The following PTGS1 variants were observed in gnomAD, a reference collection of about 807,000 sequenced individuals.
PTGS1 encodes the protein prostaglandin G/H synthase 1.
Under a neutral mutation model 63.0 loss-of-function variants are expected in PTGS1, and 40 were observed. The observed-to-expected ratio is 0.63, with a 90% CI of 0.49 to 0.83. PTGS1 has a LOEUF of 0.83. Among genes scored for constraint, PTGS1 ranks in the 40% least tolerant of loss-of-function variants. The probability of loss-of-function intolerance (pLI) is 0.00; values close to 1 mark genes in which losing one functional copy is unlikely to be tolerated. For synonymous variants in PTGS1, 298 were observed against 301.9 expected, an observed-to-expected ratio of 0.99 and a Z score of 0.13; for missense variants, 709 against 786.5, an observed-to-expected ratio of 0.90 and a Z score of 1.18.
chr9:122,378,338 A>C (rs1837303046), intron 3 of PTGS1, 95 bp from the exon 4 acceptor site: 1 of 1,551,018 alleles, frequency 6.4e-7, no homozygotes, highest in Admixed American at 1.7e-5. Context: ...ACTCTGTTCC[A>C]CCCTGGCCCT....
intron 2 of PTGS1, chr9:122,371,546 C>T (rs2119104688): frequency 1.4e-6 from 2 of 1,398,702 alleles, no homozygotes; most frequent in South Asian, 3.1e-5. Flanking sequence ...ATCCATCCCC[C>T]TCACCTGTTC....
Position 122,383,557 on chromosome 9 carries a change from T to C in PTGS1, c.811T>C (p.Leu271=), listed in dbSNP as rs779689927. Residue 271 remains leucine, a synonymous_variant, in exon 8 of 11, where the codon TTG becomes CTG. Transcript: ENST00000362012. ...YPPSVEEAPV[L]MHYPRGIPPQ... is the part of the protein sequence containing the mutation. ...GCCCTCGGTAGAAGAGGCGCCTGTG[T>C]TGATGCACTACCCCCGAGGCATCCC... is the stretch of plus-strand genomic sequence containing the variant. 4.3e-6 allele frequency: 7 copies of C among 1,614,062 alleles called. No individual in the cohort carries two copies. The South Asian group carries it at 7.7e-5, about 18-fold the overall frequency.
At position 122,381,763 on chromosome 9, in the gene PTGS1, G is replaced by A. The variant is rs771716118; in HGVS notation, c.762+16G>A. The A allele has an allele frequency of 1.1e-5, 18 of 1,608,680 alleles. No individual in the cohort carries two copies. Among genetic ancestry groups the A allele is most frequent in the Admixed American group, 6.7e-5 (4 of 59,856 alleles). ...CAAGTACCAGGTAGTGCTGGGCCAG[G>A]GGGTAGGGCAGAGGGAGGGGTCTCC... On this transcript the variant is annotated intron_variant, in intron 7 of 10. Coordinates refer to ENST00000362012, the MANE Select transcript of PTGS1 (RefSeq NM_000962.4).
intron 2 of PTGS1, chr9:122,375,477 C>A: frequency 2.0e-6 from 2 of 985,466 alleles, no homozygotes; most frequent in Non-Finnish European, 2.4e-6. Context: ...TTTATTTATT[C>A]CACAAACATT....
intron 3 of PTGS1, among the ~76,000 whole-genome samples, chr9:122,378,220 G>A (rs1837292698): frequency 6.6e-6 from 1 of 152,152 alleles, no homozygotes; most frequent in South Asian, 2.1e-4. Context: ...TGAGTTCCAT[G>A]GTGAGTCTTC....
rs139670582 is a variant in PTGS1, at chr9:122,372,390, G to T, written c.94+1118G>T. Among the ~76,000 whole-genome samples the T allele has an allele frequency of 7.2e-5, 11 of 152,324 alleles. No individual in the cohort carries two copies. The East Asian group carries it at 2.1e-3, about 29-fold the overall frequency. On this transcript the variant is annotated intron_variant, in intron 2 of 10. Transcript: ENST00000362012. ...AGGGATTGCGTTGAATAAAAGTCTG[G>T]TTTATGGGAAGAGGAGGAGGAAGAC...
intron 6 of PTGS1, 34 bp downstream of exon 6, chr9:122,381,586 G>C (rs1355392077): frequency 6.2e-7 from 1 of 1,613,640 alleles, no homozygotes; most frequent in Non-Finnish European, 8.5e-7. Context: ...GACTGCTCTG[G>C]ACCTAATTTG....
At chr9:122,377,856 G>A (rs754238430) in intron 2 of PTGS1, 43 bp from the exon 3 acceptor site, 18 of 1,565,726 alleles carry the variant, frequency 1.1e-5, no homozygotes, top group East Asian at 2.2e-5. Context: ...GGGGTCAGGA[G>A]GCCACCCTAG....
Position 122,394,618 on chromosome 9 carries a change from T to G in PTGS1, c.*2074T>G, listed in dbSNP as rs891654155. Reference sequence around the variant, plus strand: ...AGAATCCTCTCCTTTCTTATTAATTTCAGTCTTGGTGGTTCTATCAGGGGT... The same window carrying G: ...AGAATCCTCTCCTTTCTTATTAATTGCAGTCTTGGTGGTTCTATCAGGGGT... On this transcript the variant is annotated 3_prime_UTR_variant, in exon 11 of 11. Coordinates refer to ENST00000362012, the MANE Select transcript of PTGS1 (RefSeq NM_000962.4). 2.6e-5 allele frequency: 4 copies of G among 152,198 alleles called. No homozygotes were observed. Among genetic ancestry groups the G allele is most frequent in the Admixed American group, 2.6e-4 (4 of 15,262 alleles). The allele number at this position is 152,198 out of a possible 1,614,324, so 9.4% of individuals were successfully genotyped here.
At chr9:122,392,115 G>A in intron 10 of PTGS1, 74 bp from the exon 11 acceptor site, 1 of 1,352,228 alleles carries the variant, frequency 7.4e-7, no homozygotes, top group East Asian at 2.4e-5. Flanking sequence ...GGTGGACCTG[G>A]AAGGGTCCCG....
Position 122,386,640 on chromosome 9 carries a change from A to T in PTGS1, c.1204A>T (p.Ser402Cys). 6.2e-7 allele frequency: 1 copy of T among 1,614,188 alleles called. No homozygotes were observed. Among genetic ancestry groups the T allele is most frequent in the Non-Finnish European group, 8.5e-7 (1 of 1,180,028 alleles). ...DSFKVGSQEYSYEQFLFNTSM... is the reference protein window; with the variant it reads ...DSFKVGSQEYCYEQFLFNTSM... Reference sequence around the variant, plus strand: ...CTTCAAGGTGGGCTCCCAGGAGTACAGCTACGAGCAGTTCTTGTTCAACAC... The same window carrying T: ...CTTCAAGGTGGGCTCCCAGGAGTACTGCTACGAGCAGTTCTTGTTCAACAC... Residue 402 changes from serine to cysteine, a missense_variant, in exon 9 of 11, where the codon AGC becomes TGC. Coordinates refer to ENST00000362012, the MANE Select transcript of PTGS1 (RefSeq NM_000962.4).
At position 122,392,743 on chromosome 9, in the gene PTGS1, G is replaced by A. The variant is rs1023161186; in HGVS notation, c.*199G>A. The A allele has an allele frequency of 7.2e-6, 4 of 552,596 alleles. No homozygotes were observed. Among genetic ancestry groups the A allele is most frequent in the Non-Finnish European group, 1.3e-5 (4 of 316,154 alleles). The allele number at this position is 552,596 out of a possible 1,614,324, so 34.2% of individuals were successfully genotyped here. A position where few individuals can be genotyped will look rare whatever the true frequency, so the allele number is the denominator to read the frequency against. On this transcript the variant is annotated 3_prime_UTR_variant, in exon 11 of 11. Transcript: ENST00000362012. ...ATTCTTCCAGAATGCTGAACTCCTT[G>A]TTAGCCCTTCAGATTGTTAGGAGTG...
intron 9 of PTGS1, among the ~76,000 whole-genome samples, chr9:122,389,525 T>G (rs1217107769): frequency 6.6e-6 from 1 of 152,204 alleles, no homozygotes; most frequent in Non-Finnish European, 1.5e-5. Context: ...CTTTTTTATC[T>G]TGCCAGGTTA....
intron 5 of PTGS1, among the ~76,000 whole-genome samples, chr9:122,380,330 TTG>T (rs1028714745): frequency 3.3e-5 from 5 of 151,918 alleles, no homozygotes; most frequent in Admixed American, 2.6e-4. Flanking sequence ...CTGGGTGAAG[TTG>T]TGTGTGCCTG....
At chr9:122,377,151 C>T (rs1243260790) in intron 2 of PTGS1, among the ~76,000 whole-genome samples, 3 of 152,110 alleles carry the variant, frequency 2.0e-5, no homozygotes, top group Admixed American at 1.3e-4. Flanking sequence ...ACCTTGGAGT[C>T]CCCCTCCTCC....
At chr9:122,386,359 C>G (rs1472687416) in intron 8 of PTGS1, 87 bp from the exon 9 acceptor site, 53 of 1,390,378 alleles carry the variant, frequency 3.8e-5, no homozygotes, top group Non-Finnish European at 5.3e-5. Context: ...CAAAAGCAAG[C>G]ACCTCTCATG....
chr9:122,371,434 G>GC (rs539159898), intron 2 of PTGS1, among the ~76,000 whole-genome samples, 162 bp downstream of exon 2: 18 of 152,074 alleles, frequency 1.2e-4, no homozygotes, highest in African/African-American at 3.1e-4. Flanking sequence ...GCTCCCTGAA[G>GC]CCCCCCCGGC....
In PTGS1 at chr9:122,395,671, A is replaced by C. The variant is rs1172106448; in HGVS notation, c.*3127A>C. 6.6e-6 allele frequency: 1 copy of C among 152,170 alleles called. No individual in the cohort carries two copies. The highest frequency in any genetic ancestry group is 2.4e-5 in the African/African-American group (1 of 41,438). The allele number at this position is 152,170 out of a possible 1,614,324, so 9.4% of individuals were successfully genotyped here. On this transcript the variant is annotated 3_prime_UTR_variant, in exon 11 of 11. Coordinates refer to ENST00000362012, the MANE Select transcript of PTGS1 (RefSeq NM_000962.4). ...TTTGCCAACCCCAACAATTGTGTGA[A>C]TTAATTTCTAAAAATAAAGCTATAT... is the stretch of plus-strand genomic sequence containing the variant.
intron 4 of PTGS1, 98 bp from the exon 5 acceptor site, chr9:122,378,677 A>G: frequency 6.2e-7 from 1 of 1,601,760 alleles, no homozygotes; most frequent in East Asian, 2.2e-5. Context: ...AGAGTCTATG[A>G]TGCCTGATAA....
Sources: allele counts gnomAD v4.1 joint callset (sites outside exome capture counted in the v4.1 genomes callset), GRCh38; gene constraint gnomAD v4.1.1; transcripts MANE v1.5; gene names NCBI Gene and HGNC (gene_info 2026-07-23, HGNC 2026-07-21).